Variants in MRAP2 observed in about 807,000 individuals in gnomAD.
MRAP2 encodes the protein melanocortin-2 receptor accessory protein 2.
MRAP2 carries 20 observed loss-of-function variants against 17.4 expected under a neutral mutation model. That is an observed-to-expected ratio of 1.15 (90% confidence interval 0.81 to 1.67). The LOEUF is 1.67. Ranked by LOEUF, MRAP2 falls within the 40% of genes most tolerant of loss-of-function variation. MRAP2 has a pLI of 0.00. For synonymous variants in MRAP2, 96 were observed against 88.4 expected, an observed-to-expected ratio of 1.09 and a Z score of -0.48; for missense variants, 238 against 240.0, an observed-to-expected ratio of 0.99 and a Z score of 0.05.
the MRAP2 span, among the ~76,000 whole-genome samples, chr6:84,110,999 T>C: frequency 2.0e-5 from 3 of 152,206 alleles, no homozygotes; most frequent in Non-Finnish European, 2.9e-5. Context: ...TTTTGGTTAC[T>C]GTAGCCTTGT....
At chr6:84,129,857 T>C in the MRAP2 span, among the ~76,000 whole-genome samples, 1 of 152,198 alleles carries the variant, frequency 6.6e-6, no homozygotes, top group Non-Finnish European at 1.5e-5. Context: ...TATTTCTTTT[T>C]CTTGCCTGAT....
the MRAP2 span, among the ~76,000 whole-genome samples, chr6:84,098,863 A>G: frequency 6.6e-6 from 1 of 152,124 alleles, no homozygotes; most frequent in Non-Finnish European, 1.5e-5. Flanking sequence ...TTTATCAGAT[A>G]TAGGATCTGC....
the MRAP2 span, among the ~76,000 whole-genome samples, chr6:84,129,078 A>C: frequency 6.6e-6 from 1 of 152,142 alleles, no homozygotes; most frequent in East Asian, 1.9e-4. Context: ...CATTGTCTTT[A>C]TCCAATCTAT....
At chr6:84,118,619 A>G in the MRAP2 span, among the ~76,000 whole-genome samples, 1 of 152,170 alleles carries the variant, frequency 6.6e-6, no homozygotes, top group East Asian at 1.9e-4. Flanking sequence ...GAGTTGACCA[A>G]ACAGCTAAGG....
intron 1 of MRAP2, 133 bp from the exon 2 acceptor site, chr6:84,055,179 C>A: frequency 1.1e-6 from 1 of 947,146 alleles, no homozygotes. Context: ...AAGAACCTCT[C>A]CTGGCCTAGG....
At chr6:84,122,695 C>T in the MRAP2 span, among the ~76,000 whole-genome samples, 1 of 152,096 alleles carries the variant, frequency 6.6e-6, no homozygotes, top group African/African-American at 2.4e-5. Flanking sequence ...ACTCTCACCA[C>T]GTCTATTCAA....
the MRAP2 span, among the ~76,000 whole-genome samples, chr6:84,133,400 A>AC: frequency 6.6e-6 from 1 of 152,222 alleles, no homozygotes; most frequent in East Asian, 1.9e-4. Flanking sequence ...TCAGATAGGG[A>AC]CGTTTAAGTC....
At chr6:84,144,042 A>G in the MRAP2 span, among the ~76,000 whole-genome samples, 1 of 151,962 alleles carries the variant, frequency 6.6e-6, no homozygotes, top group Non-Finnish European at 1.5e-5. Flanking sequence ...ATCCTATTTA[A>G]TCAAATGTTT....
At chr6:84,053,334 T>G (rs1270788787) in intron 1 of MRAP2, among the ~76,000 whole-genome samples, 2 of 152,190 alleles carry the variant, frequency 1.3e-5, no homozygotes, top group African/African-American at 4.8e-5. Context: ...CTTATTTTCC[T>G]TAATAAAAAA....
At chr6:84,086,398 A>T (rs76563621) in intron 3 of MRAP2, among the ~76,000 whole-genome samples, 1,586 of 152,250 alleles carry the variant, frequency 0.01, 32 homozygotes, top group African/African-American at 0.036. Flanking sequence ...TGTTCTTGTT[A>T]TCAGACATTT....
At chr6:84,083,960 T>C (rs1466337548) in intron 3 of MRAP2, among the ~76,000 whole-genome samples, 1 of 152,182 alleles carries the variant, frequency 6.6e-6, no homozygotes, top group Non-Finnish European at 1.5e-5. Context: ...AAATTATATT[T>C]CTGACAAATG....
intron 2 of MRAP2, among the ~76,000 whole-genome samples, chr6:84,059,582 A>G (rs898164406): frequency 9.2e-5 from 14 of 152,206 alleles, no homozygotes; most frequent in African/African-American, 3.1e-4. Flanking sequence ...AAGGAAAAAA[A>G]TCATGTCAAC....
chr6:84,062,586 A>G (rs1461287319), intron 2 of MRAP2: 56 of 985,274 alleles, frequency 5.7e-5, no homozygotes, highest in Non-Finnish European at 6.7e-5. Flanking sequence ...CTCAAAACAC[A>G]TTAGTGGAAT....
intron 3 of MRAP2, among the ~76,000 whole-genome samples, chr6:84,071,614 TG>T (rs1308299174): frequency 1.3e-5 from 2 of 152,214 alleles, no homozygotes; most frequent in East Asian, 3.8e-4. Flanking sequence ...TTCTTGTATT[TG>T]GATGTCTAGG....
the MRAP2 span, among the ~76,000 whole-genome samples, chr6:84,140,155 C>T: frequency 6.6e-6 from 1 of 152,046 alleles, no homozygotes; most frequent in Middle Eastern, 3.2e-3. Context: ...GGGTGGGAAC[C>T]CAAGACACAA....
At chr6:84,066,507 A>G (rs1240351941) in intron 3 of MRAP2, among the ~76,000 whole-genome samples, 3 of 152,212 alleles carry the variant, frequency 2.0e-5, no homozygotes, top group Admixed American at 6.5e-5. Context: ...TTTTTTCCAT[A>G]TAGCCAATGT....
intron 2 of MRAP2, among the ~76,000 whole-genome samples, chr6:84,060,165 C>T (rs545294763): frequency 6.6e-5 from 10 of 152,246 alleles, no homozygotes; most frequent in African/African-American, 1.9e-4. Context: ...ACATAGATGC[C>T]GCATTATTAA....
intron 3 of MRAP2, among the ~76,000 whole-genome samples, chr6:84,077,409 G>T (rs186169626): frequency 6.6e-6 from 1 of 152,316 alleles, no homozygotes; most frequent in South Asian, 2.1e-4. Flanking sequence ...CACATCCTTC[G>T]TGGCTAGACT....
At chr6:84,128,117 A>G in the MRAP2 span, among the ~76,000 whole-genome samples, 1 of 152,228 alleles carries the variant, frequency 6.6e-6, no homozygotes. Context: ...TGCCCATGGC[A>G]GAGAGGTAGG....
Sources: allele counts gnomAD v4.1 joint callset (sites outside exome capture counted in the v4.1 genomes callset), GRCh38; gene constraint gnomAD v4.1.1; transcripts MANE v1.5; gene names NCBI Gene and HGNC (gene_info 2026-07-23, HGNC 2026-07-21).